ACSBG2: variants seen among roughly 807,000 people sequenced by gnomAD.
ACSBG2 encodes acyl-CoA synthetase bubblegum family member 2.
In ACSBG2, 62 loss-of-function variants were observed where a neutral mutation model predicts 74.7. The ratio of observed to expected loss-of-function variants is 0.83; its 90% CI spans 0.68 to 1.03. The LOEUF is 1.03. Among genes scored for constraint, ACSBG2 ranks in the 50% least tolerant of loss-of-function variants. The pLI, the probability that ACSBG2 is intolerant of heterozygous loss-of-function variation, is 0.00. For synonymous variants in ACSBG2, 309 were observed against 294.1 expected, an observed-to-expected ratio of 1.05 and a Z score of -0.52; for missense variants, 730 against 817.6, an observed-to-expected ratio of 0.89 and a Z score of 1.31.
chr19:6,169,133 G>T (rs2089896746), intron 7 of ACSBG2, among the ~76,000 whole-genome samples: 1 of 152,162 alleles, frequency 6.6e-6, no homozygotes, highest in Non-Finnish European at 1.5e-5. Context: ...TATTCTGTAG[G>T]TTGTCTTTAC....
At chr19:6,166,289 T>TTTGTGTGTGC (rs2089804875) in intron 7 of ACSBG2, among the ~76,000 whole-genome samples, 1 of 138,160 alleles carries the variant, frequency 7.2e-6, no homozygotes, top group South Asian at 2.3e-4. Flanking sequence ...GTTGTGTGTG[T>TTTGTGTGTGC]GTGTGTGTGT....
At position 6,185,623 on chromosome 19, in the gene ACSBG2, G is replaced by C; in HGVS notation, c.1510G>C (p.Gly504Arg). The C allele has an allele frequency of 6.2e-7, 1 of 1,614,158 alleles. No homozygotes were observed. The highest frequency in any genetic ancestry group is 1.1e-5 in the South Asian group (1 of 91,078). The change falls in exon 11 of 15, where the codon GGT (glycine) becomes CGT (arginine). Residue 504 changes from glycine (G) to arginine (R), a missense_variant. By Grantham distance (125) the Gly-to-Arg change is moderately radical (BLOSUM62 -2). Transcript: ENST00000588485. Reference sequence around the variant, plus strand: ...GGATCTGGGCCAGCTGGACGGTCTGGGTTTCCTCTATGTCACCGGCCACAT... The same window carrying C: ...GGATCTGGGCCAGCTGGACGGTCTGCGTTTCCTCTATGTCACCGGCCACAT... ...SGDLGQLDGL[G>R]FLYVTGHIKE...
chr19:6,144,535 G>A (rs1484957775), intron 2 of ACSBG2, among the ~76,000 whole-genome samples: 1 of 152,194 alleles, frequency 6.6e-6, no homozygotes, highest in African/African-American at 2.4e-5. Context: ...GAAGGAACCA[G>A]TGCTGCCTGC....
chr19:6,188,001 G>C (rs1007115685), intron 13 of ACSBG2, among the ~76,000 whole-genome samples, 156 bp downstream of exon 13: 6 of 152,118 alleles, frequency 3.9e-5, no homozygotes, highest in African/African-American at 1.4e-4. Flanking sequence ...CTGGTCCCCA[G>C]CTCCTCATCT....
At chr19:6,142,169 G>C (rs576327366) in intron 2 of ACSBG2, among the ~76,000 whole-genome samples, 1 of 152,302 alleles carries the variant, frequency 6.6e-6, no homozygotes, top group Admixed American at 6.5e-5. Context: ...ATATCTGAAT[G>C]ATGGGGGCAT....
At chr19:6,152,551 A>ATTTT (rs746612699) in intron 4 of ACSBG2, among the ~76,000 whole-genome samples, 1 of 20,250 alleles carries the variant, frequency 4.9e-5, no homozygotes, top group African/African-American at 1.0e-4. Context: ...CGGCCTCCCA[A>ATTTT]TTTTTTTTTT....
intron 2 of ACSBG2, among the ~76,000 whole-genome samples, chr19:6,144,739 G>C (rs1044397440): frequency 3.3e-5 from 5 of 151,242 alleles, no homozygotes; most frequent in African/African-American, 1.2e-4. Context: ...CTGTCACCCA[G>C]GCTGGAGTGC....
chr19:6,184,636 G>T (rs2090347018), intron 10 of ACSBG2, among the ~76,000 whole-genome samples: 2 of 146,140 alleles, frequency 1.4e-5, no homozygotes, highest in African/African-American at 2.5e-5. Flanking sequence ...AAAAGACAAA[G>T]AACCCAGATT....
chr19:6,141,853 C>G (rs1274732539), intron 2 of ACSBG2, among the ~76,000 whole-genome samples: 5 of 152,046 alleles, frequency 3.3e-5, no homozygotes, highest in Admixed American at 2.6e-4. Flanking sequence ...CCTGCCTCAG[C>G]CCTCCAAGTA....
chr19:6,165,917 C>T lies in ACSBG2; in HGVS notation c.640C>T (p.Gln214Ter). 6.2e-7 allele frequency: 1 copy of T among 1,614,154 alleles called. No homozygotes were observed. The highest frequency in any genetic ancestry group is 8.5e-7 in the Non-Finnish European group (1 of 1,180,004). Residue 214 changes from glutamine (Q) to a stop codon, truncating the protein, a stop_gained, in exon 7 of 15, where the codon CAG becomes TAG. Coordinates refer to ENST00000588485, the MANE Select transcript of ACSBG2 (RefSeq NM_030924.5). LOFTEE classifies it high-confidence loss of function. ...AAGTATCCCTGACACCCAACTGGAG[C>T]AGGTCATCGAGAGCCAGAAGGCGAA... ...GRSIPDTQLE[Q>*]VIESQKANQC...
chr19:6,191,947 A>G (rs956748362), intron 14 of ACSBG2: 1 of 151,978 alleles, frequency 6.6e-6, no homozygotes. Flanking sequence ...TTGATGTGGG[A>G]GTGAGAGATG....
chr19:6,160,581 G>A (rs2089574417), intron 5 of ACSBG2: 1 of 152,142 alleles, frequency 6.6e-6, no homozygotes, highest in African/African-American at 2.4e-5. Context: ...TCCTGGAAAA[G>A]GAAGAGCCAT....
chr19:6,142,986 G>A (rs1352756278), intron 2 of ACSBG2, among the ~76,000 whole-genome samples: 3 of 152,036 alleles, frequency 2.0e-5, no homozygotes, highest in Non-Finnish European at 4.4e-5. Context: ...TTGGGAAGCT[G>A]AGGCGGGCAG....
chr19:6,181,813 G>GCCCC (rs60054737), intron 8 of ACSBG2, among the ~76,000 whole-genome samples: 48 of 54,414 alleles, frequency 8.8e-4, no homozygotes, highest in South Asian at 2.3e-3. Context: ...GTCCCCACCC[G>GCCCC]CCCCCCCCCC....
chr19:6,141,412 C>T, intron 1 of ACSBG2, 101 bp from the exon 2 acceptor site: 1 of 668,654 alleles, frequency 1.5e-6, no homozygotes. Context: ...CCAATGGATC[C>T]TAGGATTCTA....
intron 1 of ACSBG2, 27 bp from the exon 2 acceptor site, chr19:6,141,486 T>C (rs574866581): frequency 8.2e-7 from 1 of 1,212,226 alleles, no homozygotes; most frequent in Admixed American, 1.7e-5. Context: ...CCAATCCTGT[T>C]AAACTCCCTG....
At chr19:6,150,443 G>A (rs918769105) in intron 3 of ACSBG2, among the ~76,000 whole-genome samples, 10 of 151,990 alleles carry the variant, frequency 6.6e-5, no homozygotes, top group African/African-American at 2.2e-4. Flanking sequence ...GAAGCAGCCC[G>A]TGTGTCCATC....
chr19:6,140,550 G>A (rs1412193764), intron 1 of ACSBG2, among the ~76,000 whole-genome samples: 1 of 151,982 alleles, frequency 6.6e-6, no homozygotes, highest in Non-Finnish European at 1.5e-5. Context: ...GCTGGGTACG[G>A]TGGCCTGTAA....
chr19:6,169,697 T>C (rs2089911204), intron 7 of ACSBG2, among the ~76,000 whole-genome samples: 1 of 152,238 alleles, frequency 6.6e-6, no homozygotes, highest in Non-Finnish European at 1.5e-5. Context: ...ACAATGTTGA[T>C]TCTTCCTGTC....
Sources: allele counts gnomAD v4.1 joint callset (sites outside exome capture counted in the v4.1 genomes callset), GRCh38; gene constraint gnomAD v4.1.1; transcripts MANE v1.5; gene names NCBI Gene and HGNC (gene_info 2026-07-23, HGNC 2026-07-21).